The following TFIP11 variants were observed in gnomAD, a reference collection of about 807,000 sequenced individuals.
The protein encoded by TFIP11 is tuftelin interacting protein 11, also known as tuftelin-interacting protein 11.
A neutral mutation model predicts 96.8 loss-of-function variants in TFIP11; 86 were observed. The ratio of observed to expected loss-of-function variants is 0.89; its 90% CI spans 0.75 to 1.06. TFIP11 has a LOEUF of 1.06. Ranked by LOEUF, TFIP11 falls within the 50% of genes least tolerant of loss-of-function variation. The probability of loss-of-function intolerance (pLI) is 0.00; values close to 1 mark genes in which losing one functional copy is unlikely to be tolerated. For missense variants in TFIP11, 881 were observed against 1,076.7 expected (o/e 0.82, Z 2.54); for synonymous variants, 405 against 395.2 (o/e 1.02, Z -0.29).
intron 9 of TFIP11, 49 bp downstream of exon 9, chr22:26,499,055 G>A (rs1157887629): frequency 1.2e-6 from 2 of 1,606,358 alleles, no homozygotes; most frequent in Non-Finnish European, 1.7e-6. Flanking sequence ...TCAAGCAAGG[G>A]TAAGCCCAAC....
chr22:26,511,956 C>T (rs1228341808), intron 2 of TFIP11, 143 bp downstream of exon 2: 1 of 152,198 alleles, frequency 6.6e-6, no homozygotes, highest in Non-Finnish European at 1.5e-5. Context: ...GTTATGAAGC[C>T]TTTATCAGTA....
At chr22:26,495,031 A>C in intron 12 of TFIP11, 92 bp from the exon 13 acceptor site, 9 of 1,545,926 alleles carry the variant, frequency 5.8e-6, no homozygotes, top group Non-Finnish European at 7.9e-6. Flanking sequence ...TTTTCATCTC[A>C]GCTTACAGCA....
chr22:26,499,718 G>A, intron 8 of TFIP11, 87 bp from the exon 9 acceptor site: 1 of 1,389,490 alleles, frequency 7.2e-7, no homozygotes, highest in Non-Finnish European at 9.8e-7. Context: ...CCATGACAGG[G>A]GAAGTGTGTA....
chr22:26,504,294 G>A (rs1381526034), intron 6 of TFIP11, among the ~76,000 whole-genome samples: 2 of 152,084 alleles, frequency 1.3e-5, no homozygotes, highest in East Asian at 3.9e-4. Context: ...GGAAATAAAC[G>A]TTGTTTTTCT....
rs567076453 is a variant in TFIP11, at chr22:26,507,194, A to C, written c.210-266T>G. ...AATGTAGGGTTGATTACAAATTCAA[A>C]ATATGATGTGATAATACAATTTTCC... On this transcript the variant is annotated intron_variant, in intron 4 of 14. Coordinates refer to ENST00000407690, the MANE Select transcript of TFIP11 (RefSeq NM_012143.4). Among the ~76,000 whole-genome samples the C allele has an allele frequency of 2.6e-5, 4 of 152,328 alleles. No individual in the cohort carries two copies. In the South Asian group the frequency reaches 8.3e-4, roughly 32 times the overall value.
intron 14 of TFIP11, 189 bp downstream of exon 14, chr22:26,493,950 G>T: frequency 1.7e-6 from 1 of 594,638 alleles, no homozygotes; most frequent in Non-Finnish European, 2.9e-6. Context: ...AGTCATGGTA[G>T]ACCTGGGCAG....
chr22:26,502,108 G>A, intron 7 of TFIP11, 56 bp from the exon 8 acceptor site: 1 of 1,608,082 alleles, frequency 6.2e-7, no homozygotes, highest in Non-Finnish European at 8.5e-7. Flanking sequence ...TTTACCACAG[G>A]TGAGGTAGCT....
At chr22:26,497,285 T>C (rs1165968484) in intron 10 of TFIP11, among the ~76,000 whole-genome samples, 1 of 152,232 alleles carries the variant, frequency 6.6e-6, no homozygotes, top group Non-Finnish European at 1.5e-5. Context: ...AGTAGGTTGC[T>C]CCTGCAGTTC....
chr22:26,492,424 T>G (rs1045926537), intron 14 of TFIP11, 56 bp from the exon 15 acceptor site: 77 of 1,537,652 alleles, frequency 5.0e-5, no homozygotes, highest in Non-Finnish European at 6.6e-5. Context: ...GTATGGAAGT[T>G]GACACTGTGG....
chr22:26,500,878 C>CTTT (rs397958538), intron 8 of TFIP11, among the ~76,000 whole-genome samples: 1,039 of 101,950 alleles, frequency 0.01, no homozygotes, highest in Non-Finnish European at 0.012. Context: ...TAACGGAAAA[C>CTTT]TTTTTTTTTT....
Position 26,499,352 on chromosome 22 carries a change from C to T in TFIP11, c.1081G>A (p.Glu361Lys). The change falls in exon 9 of 15, where the codon GAG becomes AAG. Residue 361 changes from glutamate to lysine, a missense_variant. Glu to Lys is a moderately conservative substitution (Grantham distance 56, BLOSUM62 1). Coordinates refer to ENST00000407690, the MANE Select transcript of TFIP11 (RefSeq NM_012143.4). ...NLFHELEKMTEVLDHEERVIS... is the reference protein window; with the variant it reads ...NLFHELEKMTKVLDHEERVIS... The stretch of plus-strand genomic sequence containing the variant: ...ACCCGCTCCTCGTGGTCCAGGACCT[C>T]GGTCATCTTCTCCAGCTCGTGGAAG... 2.5e-6 allele frequency: 4 copies of T among 1,614,166 alleles called. No individual in the cohort carries two copies. Among genetic ancestry groups the T allele is most frequent in the African/African-American group, 1.3e-5 (1 of 75,054 alleles).
In TFIP11 at chr22:26,496,077, C is replaced by T. The variant is rs1170800244; in HGVS notation, c.1845G>A (p.Lys615=). ...EAFMVKNIVP[K]LGMCLGELVI... ...TGCATTTCCCCTTATCCTTACCCAG[C>T]TTGGGCACTATGTTTTTGACCATGA... Residue 615 remains lysine, a synonymous_variant, in exon 12 of 15, where the codon AAG becomes AAA. Transcript: ENST00000407690. The T allele has an allele frequency of 6.2e-7, 1 of 1,613,578 alleles. No individual in the cohort carries two copies.
chr22:26,497,195 T>G (rs1025953411), intron 10 of TFIP11, among the ~76,000 whole-genome samples: 7 of 152,186 alleles, frequency 4.6e-5, no homozygotes, highest in African/African-American at 1.7e-4. Flanking sequence ...AGGCTTCTAT[T>G]CATGAGCTGA....
intron 10 of TFIP11, among the ~76,000 whole-genome samples, chr22:26,497,386 G>A (rs1922198090): frequency 6.6e-6 from 1 of 152,172 alleles, no homozygotes. Flanking sequence ...GACAGAGGCT[G>A]TCTGCTGTGC....
At position 26,499,266 on chromosome 22, in the gene TFIP11, G is replaced by A. The variant is rs144151697; in HGVS notation, c.1167C>T (p.Pro389=). 9.0e-5 allele frequency: 145 copies of A among 1,613,828 alleles called. No homozygotes were observed. In the African/African-American group the frequency reaches 9.9e-4, roughly 11 times the overall value. The change falls in exon 9 of 15, where the codon CCC becomes CCT. Residue 389 remains proline, a synonymous_variant. Coordinates refer to ENST00000407690, the MANE Select transcript of TFIP11 (RefSeq NM_012143.4). ...CCAGGGTGAGGGGGTTGCTGCAGTCGGGCTGCATCCGCCGCTCGCACTCCT... is the reference window on the plus strand; with the variant it reads ...CCAGGGTGAGGGGGTTGCTGCAGTCAGGCTGCATCCGCCGCTCGCACTCCT... The part of the protein sequence containing the change: ...MVEECERRMQ[P]DCSNPLTLDE...
intron 4 of TFIP11, among the ~76,000 whole-genome samples, chr22:26,508,919 AG>A (rs1400657747): frequency 1.3e-5 from 2 of 151,834 alleles, no homozygotes; most frequent in Non-Finnish European, 2.9e-5. Context: ...GAGGCCATGG[AG>A]GAAAAAACCC....
chr22:26,509,925 C>T (rs916724220), intron 4 of TFIP11, 139 bp downstream of exon 4: 4 of 779,066 alleles, frequency 5.1e-6, no homozygotes, highest in Non-Finnish European at 8.4e-6. Context: ...GAAACCAGAC[C>T]TCTCGAGATG....
chr22:26,496,426 A>T (rs73880110), intron 11 of TFIP11, 110 bp from the exon 12 acceptor site: 53,434 of 1,413,788 alleles, frequency 0.038, 1,136 homozygotes, highest in Non-Finnish European at 0.04. Flanking sequence ...GTGCTCTCTG[A>T]GGCCCACAGT....
At chr22:26,502,090 A>C (rs752014008) in intron 7 of TFIP11, 38 bp from the exon 8 acceptor site, 1 of 1,613,716 alleles carries the variant, frequency 6.2e-7, no homozygotes, top group Admixed American at 1.7e-5. Flanking sequence ...AGCAAGGAAC[A>C]ACCACTTTTT....
Sources: gnomAD v4.1 joint callset for allele counts (sites outside exome capture counted in the v4.1 genomes callset) on GRCh38, gnomAD v4.1.1 for gene constraint, MANE v1.5 for transcripts, NCBI Gene and HGNC (gene_info 2026-07-23, HGNC 2026-07-21) for gene names.